Variants in UGT1A6 observed in about 807,000 individuals in gnomAD.
UGT1A6 encodes UDP-glucuronosyltransferase 1A6.
A neutral mutation model predicts 44.4 loss-of-function variants in UGT1A6; 32 were observed. The observed-to-expected ratio is 0.72, with a 90% CI of 0.54 to 0.97. The LOEUF (loss-of-function observed/expected upper bound fraction) is 0.97. Ranked by LOEUF, UGT1A6 falls within the 50% of genes least tolerant of loss-of-function variation. The probability of loss-of-function intolerance (pLI) is 0.00; values close to 1 mark genes in which losing one functional copy is unlikely to be tolerated. For synonymous variants in UGT1A6, 238 were observed against 248.5 expected (o/e 0.96, Z 0.40); for missense variants, 685 against 661.9 (o/e 1.03, Z -0.38).
intron 1 of UGT1A6, chr2:233,721,965 A>G (rs58524075): frequency 0.012 from 3,584 of 301,472 alleles, 120 homozygotes; most frequent in African/African-American, 0.073. Flanking sequence ...ATATGCATAC[A>G]TTGATGGCCT....
In UGT1A6 at chr2:233,769,625, A is replaced by G; in HGVS notation, c.1301+1186A>G. 1 of 1,612,274 alleles carries G rather than the reference A, an allele frequency of 6.2e-7. No homozygotes were observed. Among genetic ancestry groups the G allele is most frequent in the African/African-American group, 1.3e-5 (1 of 75,020 alleles). On this transcript the variant is annotated intron_variant, in intron 4 of 4. Coordinates refer to ENST00000305139, the MANE Select transcript of UGT1A6 (RefSeq NM_001072.4). The surrounding 1 kb of genome is among the most constrained non-coding windows in gnomAD (Gnocchi z 4.4). ...GGGGACACACCAGCTTGAGCAAGGGACAACAGGGGAGGACTGATGACTGAC... is the reference window on the plus strand; with the variant it reads ...GGGGACACACCAGCTTGAGCAAGGGGCAACAGGGGAGGACTGATGACTGAC...
intron 2 of UGT1A6, 140 bp downstream of exon 2, chr2:233,767,305 G>A (rs907806050): frequency 6.6e-7 from 1 of 1,518,864 alleles, no homozygotes; most frequent in Admixed American, 2.3e-5. Flanking sequence ...TAATCCAAAG[G>A]TTTTTTTTGT....
At chr2:233,711,107 C>T (rs1170394278) in intron 1 of UGT1A6, among the ~76,000 whole-genome samples, 1 of 152,202 alleles carries the variant, frequency 6.6e-6, no homozygotes, top group Non-Finnish European at 1.5e-5. Flanking sequence ...GCCCAGACCC[C>T]TCCTCATCTC....
Position 233,737,223 on chromosome 2 carries a change from T to G in UGT1A6, c.862-29811T>G, listed in dbSNP as rs929456568. ...GCGGTGGACTCTGTTCAGTTCCAGC[T>G]TCCTGGATGCTTTGTTTACCTACTC... On this transcript the variant is annotated intron_variant, in intron 1 of 4. Transcript: ENST00000305139. Among the ~76,000 whole-genome samples, 4 of 152,236 alleles carry G rather than the reference T, an allele frequency of 2.6e-5. No homozygotes were observed. In the East Asian group the frequency reaches 7.7e-4, roughly 29 times the overall value.
chr2:233,728,626 G>A (rs1336617432), intron 1 of UGT1A6, among the ~76,000 whole-genome samples: 2 of 152,180 alleles, frequency 1.3e-5, no homozygotes, highest in Admixed American at 6.5e-5. Flanking sequence ...GAGAAAGCTG[G>A]CTTAGCAATG....
intron 1 of UGT1A6, among the ~76,000 whole-genome samples, chr2:233,757,535 AATATATAT>A (rs67292694): frequency 0.018 from 1,589 of 88,318 alleles, 155 homozygotes; most frequent in African/African-American, 0.076. Flanking sequence ...GCCTGTAAGG[AATATATAT>A]ATATATATAT....
intron 1 of UGT1A6, among the ~76,000 whole-genome samples, chr2:233,702,234 A>G (rs1420073908): frequency 2.0e-5 from 3 of 152,140 alleles, no homozygotes; most frequent in African/African-American, 7.2e-5. Flanking sequence ...GAATTTGCCT[A>G]TTTCTATGGA....
chr2:233,755,108 C>T lies in UGT1A6; in HGVS notation c.862-11926C>T, dbSNP rs1275990290. ...CGCGTTTCTACGCGTCCGACAACAC[C>T]TCGTAGGCCTCAGCCACCTGCTTGA... On this transcript the variant is annotated intron_variant, in intron 1 of 4. Transcript: ENST00000305139. 8 of 1,333,390 alleles carry T rather than the reference C, an allele frequency of 6.0e-6. No individual in the cohort carries two copies. In the Admixed American group the frequency reaches 9.5e-5, roughly 16 times the overall value. The allele number at this position is 1,333,390 out of a possible 1,614,324, so 82.6% of individuals were successfully genotyped here. A position where few individuals can be genotyped will look rare whatever the true frequency, so the allele number is the denominator to read the frequency against.
chr2:233,725,073 G>A (rs1490927388), intron 1 of UGT1A6, among the ~76,000 whole-genome samples: 1 of 145,046 alleles, frequency 6.9e-6, no homozygotes, highest in Non-Finnish European at 1.5e-5. Context: ...TGCAATCGCA[G>A]GCACTCGGCA....
At chr2:233,717,999 T>G (rs1180209049) in intron 1 of UGT1A6, 5 of 416,692 alleles carry the variant, frequency 1.2e-5, no homozygotes, top group Non-Finnish European at 2.4e-5. Flanking sequence ...CTGTGCAAGA[T>G]CTGAGGCCAG....
Position 233,769,754 on chromosome 2 carries a change from C to T in UGT1A6, c.1301+1315C>T. On this transcript the variant is annotated intron_variant, in intron 4 of 4. Coordinates refer to ENST00000305139, the MANE Select transcript of UGT1A6 (RefSeq NM_001072.4). The surrounding 1 kb of genome is among the most constrained non-coding windows in gnomAD (Gnocchi z 4.4). ...CCTGTAGTCCCAGCCACTCTGGAGGCTAAGGCGGGAGGATTGCTTGAGCCC... is the reference window on the plus strand; with the variant it reads ...CCTGTAGTCCCAGCCACTCTGGAGGTTAAGGCGGGAGGATTGCTTGAGCCC... The T allele has an allele frequency of 7.0e-7, 1 of 1,426,418 alleles. No homozygotes were observed. Among genetic ancestry groups the T allele is most frequent in the African/African-American group, 1.4e-5 (1 of 70,050 alleles). The allele number at this position is 1,426,418 out of a possible 1,614,324, so 88.4% of individuals were successfully genotyped here.
At chr2:233,723,194 T>TA (rs551785642) in intron 1 of UGT1A6, among the ~76,000 whole-genome samples, 179 of 130,008 alleles carry the variant, frequency 1.4e-3, no homozygotes, top group African/African-American at 1.9e-3. Context: ...GTCCATGTGG[T>TA]AAAAAAAGTC....
intron 1 of UGT1A6, among the ~76,000 whole-genome samples, chr2:233,756,694 G>T (rs2125945712): frequency 6.6e-6 from 1 of 152,238 alleles, no homozygotes. Context: ...TAATGACGAT[G>T]AATTTTGGGG....
chr2:233,733,052 A>G (rs1453570280), intron 1 of UGT1A6, among the ~76,000 whole-genome samples: 2 of 151,868 alleles, frequency 1.3e-5, no homozygotes, highest in African/African-American at 4.8e-5. Context: ...ATTCCTAGGT[A>G]TTTTATTCTC....
intron 1 of UGT1A6, chr2:233,729,683 A>G (rs997425766): frequency 5.0e-6 from 8 of 1,613,836 alleles, no homozygotes; most frequent in African/African-American, 1.3e-5. Context: ...AAGGGCACAC[A>G]GTGTCCAAAC....
In UGT1A6 at chr2:233,693,564, A is replaced by T; in HGVS notation, c.560A>T (p.Asp187Val). The T allele has an allele frequency of 6.2e-7, 1 of 1,614,200 alleles. No individual in the cohort carries two copies. Among genetic ancestry groups the T allele is most frequent in the Non-Finnish European group, 8.5e-7 (1 of 1,180,036 alleles). The change falls in exon 1 of 5, where the codon GAC becomes GTC. Residue 187 changes from aspartate to valine, a missense_variant. By Grantham distance (152) the Asp-to-Val change is radical. Coordinates refer to ENST00000305139, the MANE Select transcript of UGT1A6 (RefSeq NM_001072.4). ...GAGCATACATTCAGCAGAAGCCCAG[A>T]CCCTGTGTCCTACATTCCCAGGTGC... ...SLEHTFSRSP[D>V]PVSYIPRCYT...
chr2:233,721,879 C>G, intron 1 of UGT1A6: 1 of 493,898 alleles, frequency 2.0e-6, no homozygotes, highest in South Asian at 1.5e-5. Context: ...ACTTGCCAGC[C>G]CCTCCATTGC....
chr2:233,724,947 G>C (rs941284896), intron 1 of UGT1A6, among the ~76,000 whole-genome samples: 2 of 144,584 alleles, frequency 1.4e-5, no homozygotes, highest in African/African-American at 5.3e-5. Context: ...CTGCAATCCC[G>C]GCACCTCGGG....
In UGT1A6 at chr2:233,693,541, G is replaced by T. The variant is rs1471757220; in HGVS notation, c.537G>T (p.Glu179Asp). ...YLFRGFPCSL[E>D]HTFSRSPDPV... ...TCAGGGGTTTTCCGTGTTCCCTGGA[G>T]CATACATTCAGCAGAAGCCCAGACC... Residue 179 changes from glutamate to aspartate, a missense_variant, in exon 1 of 5, where the codon GAG becomes GAT. By Grantham distance (45) the Glu-to-Asp change is conservative. Transcript: ENST00000305139. 7 of 1,614,056 alleles carry T rather than the reference G, an allele frequency of 4.3e-6. No homozygotes were observed. The highest frequency in any genetic ancestry group is 5.1e-6 in the Non-Finnish European group (6 of 1,180,028).
Sources: gnomAD v4.1 joint callset for allele counts (sites outside exome capture counted in the v4.1 genomes callset) on GRCh38, gnomAD v4.1.1 for gene constraint, Gnocchi (gnomAD v3.1) non-coding constraint, MANE v1.5 for transcripts, NCBI Gene and HGNC (gene_info 2026-07-23, HGNC 2026-07-21) for gene names.